The following VARS2 variants were observed in gnomAD, a reference collection of about 807,000 sequenced individuals.
The protein encoded by VARS2 is valine--tRNA ligase, mitochondrial.
A neutral mutation model predicts 154.1 loss-of-function variants in VARS2; 105 were observed. That is an observed-to-expected ratio of 0.68 (90% CI 0.58 to 0.80). The LOEUF (loss-of-function observed/expected upper bound fraction) is 0.80. VARS2 is among the 30% of genes least tolerant of loss of function. VARS2 has a pLI of 0.00. For missense variants in VARS2, 1,157 were observed against 1,361.4 expected (o/e 0.85, Z 2.36); for synonymous variants, 483 against 539.5 (o/e 0.90, Z 1.45).
Position 30,925,886 on chromosome 6 carries a change from G to A in VARS2, c.2968G>A (p.Val990Met), listed in dbSNP as rs1211254831. 1 of 1,612,816 alleles carries A rather than the reference G, an allele frequency of 6.2e-7. No homozygotes were observed. Among genetic ancestry groups the A allele is most frequent in the Non-Finnish European group, 8.5e-7 (1 of 1,180,018 alleles). The change falls in exon 29 of 30, where the codon GTG becomes ATG. Residue 990 changes from valine (V) to methionine (M), a missense_variant. Transcript: ENST00000676266. ...AQVYMELQGLVDPQIQLPLLA... is the reference protein window; with the variant it reads ...AQVYMELQGLMDPQIQLPLLA... ...TCTCCCTGTTCTTCCCCAGGGCCTG[G>A]TGGACCCGCAGATCCAGCTACCTCT... is the stretch of plus-strand genomic sequence containing the variant.
chr6:30,919,953 G>T lies in VARS2; in HGVS notation c.1165+105G>T. 1 of 1,467,448 alleles carries T rather than the reference G, an allele frequency of 6.8e-7. No individual in the cohort carries two copies. The highest frequency in any genetic ancestry group is 9.1e-7 in the Non-Finnish European group (1 of 1,095,456). The allele number at this position is 1,467,448 out of a possible 1,614,324, so 90.9% of individuals were successfully genotyped here. A position where few individuals can be genotyped will look rare whatever the true frequency, so the allele number is the denominator to read the frequency against. Reference sequence around the variant, plus strand: ...GGAGTGGGAGATCCTCATATAGGGTGGTCTGAGTGGGGAATGGGAGGGAGG... The same window carrying T: ...GGAGTGGGAGATCCTCATATAGGGTTGTCTGAGTGGGGAATGGGAGGGAGG... On this transcript the variant is annotated intron_variant, in intron 12 of 29. Transcript: ENST00000676266. The surrounding 1 kb of genome is among the most constrained non-coding windows in gnomAD (Gnocchi z 4.5).
intron 20 of VARS2, 64 bp from the exon 21 acceptor site, chr6:30,922,386 G>A: frequency 6.2e-7 from 1 of 1,607,992 alleles, no homozygotes; most frequent in Non-Finnish European, 8.5e-7. Context: ...CAAAAGTATG[G>A]AGGCCAGAGA....
rs1794816462 is a variant in VARS2 at position 30,926,008 on chromosome 6, G to A, written c.3090G>A (p.Lys1030=). 2 of 1,613,100 alleles carry A rather than the reference G, an allele frequency of 1.2e-6. No individual in the cohort carries two copies. The highest frequency in any genetic ancestry group is 2.2e-5 in the East Asian group (1 of 44,886). ...EGEAGTQRQQ[K]LSSLQLELSK... is the part of the protein sequence containing the mutation. ...AGGCAGGGACTCAGAGGCAACAAAA[G>A]GTAAGGCTGAGGGAGGCCCCCAGAA... The change falls in exon 29 of 30, where the codon AAG becomes AAA. Residue 1030 remains lysine, a splice_region_variant and synonymous_variant. Coordinates refer to ENST00000676266, the MANE Select transcript of VARS2 (RefSeq NM_020442.6).
rs779701903 is a variant in VARS2, at chr6:30,915,335, G to C, written c.284-20G>C. ...GGGAACAAGTTCAGTGGTTAGTGGA[G>C]CTCTCCTCTGCCTTCACAGATGTCT... On this transcript the variant is annotated intron_variant, in intron 3 of 29. Transcript: ENST00000676266. The C allele has an allele frequency of 6.2e-7, 1 of 1,613,776 alleles. No individual in the cohort carries two copies. Among genetic ancestry groups the C allele is most frequent in the African/African-American group, 1.3e-5 (1 of 74,926 alleles).
rs557308844 is a variant in VARS2, at chr6:30,919,995, C to T, written c.1166-94C>T. ...GGAGGGAGGCACAGACAGAGAAAGT[C>T]GCAGGGGCTGGGGCGGTGCAGGTGA... On this transcript the variant is annotated intron_variant, in intron 12 of 29. Transcript: ENST00000676266. This position sits in a 1 kb window ranked among gnomAD's most constrained non-coding sequence, Gnocchi z 4.5. 144 of 498,728 alleles carry T rather than the reference C, an allele frequency of 2.9e-4. 1 individual carries two copies. The highest frequency in any genetic ancestry group is 2.4e-3 in the Middle Eastern group (4 of 1,702). The allele number at this position is 498,728 out of a possible 1,614,324, so 30.9% of individuals were successfully genotyped here. A position where few individuals can be genotyped will look rare whatever the true frequency, so the allele number is the denominator to read the frequency against.
Position 30,920,398 on chromosome 6 carries a change from G to T in VARS2, c.1359G>T (p.Arg453=), listed in dbSNP as rs1400830469. Residue 453 remains arginine (R), a synonymous_variant, in exon 14 of 30, where the codon CGG becomes CGT. Coordinates refer to ENST00000676266, the MANE Select transcript of VARS2 (RefSeq NM_020442.6). This position sits in a 1 kb window ranked among gnomAD's most constrained non-coding sequence, Gnocchi z 4.6. ...MSVLSEWGLF[R]GLQNHPMVLP... ...TGCTGAGTGAATGGGGCCTGTTCCGGGGCCTCCAGAACCACCCCATGGTAC... is the reference window on the plus strand; with the variant it reads ...TGCTGAGTGAATGGGGCCTGTTCCGTGGCCTCCAGAACCACCCCATGGTAC... 4.3e-6 allele frequency: 7 copies of T among 1,612,906 alleles called. No individual in the cohort carries two copies. The highest frequency in any genetic ancestry group is 1.3e-5 in the African/African-American group (1 of 74,856).
rs1221715304 is a variant in VARS2, at chr6:30,917,689, C to T, written c.874-6C>T. On this transcript the variant is annotated splice_polypyrimidine_tract_variant and splice_region_variant and intron_variant, in intron 9 of 29. Coordinates refer to ENST00000676266, the MANE Select transcript of VARS2 (RefSeq NM_020442.6). This position sits in a 1 kb window ranked among gnomAD's most constrained non-coding sequence, Gnocchi z 4.4. The stretch of plus-strand genomic sequence containing the variant: ...CCCTCTGACCCAGCTTTCTCGGTGC[C>T]TCCAGGTGGAGAACCGGCCCCTGCC... 5.8e-6 allele frequency: 9 copies of T among 1,552,736 alleles called. No homozygotes were observed. Among genetic ancestry groups the T allele is most frequent in the Non-Finnish European group, 7.8e-6 (9 of 1,148,650 alleles).
chr6:30,924,775 A>T (rs1423637496), intron 26 of VARS2, among the ~76,000 whole-genome samples: 1 of 152,054 alleles, frequency 6.6e-6, no homozygotes, highest in Non-Finnish European at 1.5e-5. Context: ...CTGTTGCTAG[A>T]CTGCTATTTT....
Position 30,920,375 on chromosome 6 carries a change from C to T in VARS2, c.1336C>T (p.Leu446=). 2 of 1,613,358 alleles carry T rather than the reference C, an allele frequency of 1.2e-6. No homozygotes were observed. Among genetic ancestry groups the T allele is most frequent in the Non-Finnish European group, 1.7e-6 (2 of 1,179,694 alleles). ...GGCCCGGGAAAAGATAATGTCTGTG[C>T]TGAGTGAATGGGGCCTGTTCCGGGG... The part of the protein sequence containing the change: ...FVAREKIMSV[L]SEWGLFRGLQ... Residue 446 remains leucine, a synonymous_variant, in exon 14 of 30, where the codon CTG becomes TTG. Transcript: ENST00000676266. This position sits in a 1 kb window ranked among gnomAD's most constrained non-coding sequence, Gnocchi z 4.6.
rs183270249 is a variant in VARS2, at chr6:30,919,039, G to A, written c.1074+124G>A. On this transcript the variant is annotated intron_variant, in intron 11 of 29. Transcript: ENST00000676266. This position sits in a 1 kb window ranked among gnomAD's most constrained non-coding sequence, Gnocchi z 4.5. The stretch of plus-strand genomic sequence containing the variant: ...CCTTTTCCTGAGACTTCTCTCAGTG[G>A]TTCTGATTGGACTCCCTCCTCCTCT... 1.2e-6 allele frequency: 1 copy of A among 843,988 alleles called. No homozygotes were observed. Among genetic ancestry groups the A allele is most frequent in the East Asian group, 2.7e-5 (1 of 37,532 alleles). 52.3% of individuals were successfully genotyped at this position (843,988 alleles called of 1,614,324 possible).
chr6:30,920,143 G>A lies in VARS2; in HGVS notation c.1220G>A (p.Arg407Gln), dbSNP rs1261957759. Residue 407 changes from arginine (R) to glutamine (Q), a missense_variant, in exon 13 of 30, where the codon CGA (arginine) becomes CAA (glutamine). Physicochemically the swap from Arg to Gln is conservative, Grantham distance 43. Transcript: ENST00000676266. The surrounding 1 kb of genome is among the most constrained non-coding windows in gnomAD (Gnocchi z 4.6). ...HSPADAEMGA[R>Q]HGLSPLNVIA... ...CCTGCCGATGCTGAGATGGGGGCCC[G>A]ACATGGCTTGAGCCCCTTGAATGTC... is the stretch of plus-strand genomic sequence containing the variant. 6 of 1,591,616 alleles carry A rather than the reference G, an allele frequency of 3.8e-6. No homozygotes were observed. Among genetic ancestry groups the A allele is most frequent in the South Asian group, 2.3e-5 (2 of 87,532 alleles).
In VARS2 at chr6:30,925,862, C is replaced by T; in HGVS notation, c.2962-18C>T. The T allele has an allele frequency of 6.2e-7, 1 of 1,612,298 alleles. No individual in the cohort carries two copies. The highest frequency in any genetic ancestry group is 8.5e-7 in the Non-Finnish European group (1 of 1,180,002). ...CAGCAGGCGGATGTCTGAGCCTTTT[C>T]TCCCTGTTCTTCCCCAGGGCCTGGT... On this transcript the variant is annotated intron_variant, in intron 28 of 29. Coordinates refer to ENST00000676266, the MANE Select transcript of VARS2 (RefSeq NM_020442.6).
chr6:30,917,216 G>A lies in VARS2; in HGVS notation c.865G>A (p.Asp289Asn), dbSNP rs1389125082. 6.2e-7 allele frequency: 1 copy of A among 1,614,208 alleles called. No individual in the cohort carries two copies. Among genetic ancestry groups the A allele is most frequent in the Non-Finnish European group, 8.5e-7 (1 of 1,180,046 alleles). The change falls in exon 9 of 30, where the codon GAC becomes AAC. Residue 289 changes from aspartate (D) to asparagine (N), a missense_variant. Asp to Asn is a conservative substitution (Grantham distance 23, BLOSUM62 1). Coordinates refer to ENST00000676266, the MANE Select transcript of VARS2 (RefSeq NM_020442.6). This position sits in a 1 kb window ranked among gnomAD's most constrained non-coding sequence, Gnocchi z 4.4. ...ATGTGCTTTAAGATCAGCCATCTCG[G>A]ACATTGAGGTGAGGCGGAGAGAGGG... is the stretch of plus-strand genomic sequence containing the variant. The part of the protein sequence containing the change: ...WSCALRSAIS[D>N]IEVENRPLPG...
Position 30,923,729 on chromosome 6 carries a change from A to T in VARS2, c.2466+224A>T, listed in dbSNP as rs114985001. The T allele has an allele frequency of 6.1e-4, 369 of 604,184 alleles. 1 individual carries two copies. Among genetic ancestry groups the T allele is most frequent in the Non-Finnish European group, 8.9e-4 (318 of 358,420 alleles). The allele number at this position is 604,184 out of a possible 1,614,324, so 37.4% of individuals were successfully genotyped here. On this transcript the variant is annotated intron_variant, in intron 25 of 29. Coordinates refer to ENST00000676266, the MANE Select transcript of VARS2 (RefSeq NM_020442.6). ...TCACCTGGGGAGAGGAGGAGGAGGG[A>T]GACTTCTAGAAATGTCTGACAAGTC...
chr6:30,923,539 T>C lies in VARS2; in HGVS notation c.2466+34T>C, dbSNP rs150404246. ...GGCTGGGGGAGGCTTGGTATTCCCA[T>C]GCCTGCTTCTAATTCCTCTGGAAAT... On this transcript the variant is annotated intron_variant, in intron 25 of 29. Transcript: ENST00000676266. 7.0e-4 allele frequency: 1,116 copies of C among 1,590,518 alleles called. 1 individual carries two copies. Among genetic ancestry groups the C allele is most frequent in the Non-Finnish European group, 8.9e-4 (1,039 of 1,167,472 alleles).
intron 25 of VARS2, chr6:30,924,063 T>C: frequency 3.8e-6 from 2 of 527,374 alleles, no homozygotes; most frequent in Admixed American, 3.7e-5. Context: ...CTCAGCCTTT[T>C]AAAAACCTCT....
intron 22 of VARS2, 36 bp downstream of exon 22, chr6:30,922,810 C>G (rs1254525380): frequency 1.3e-6 from 2 of 1,590,284 alleles, no homozygotes; most frequent in Non-Finnish European, 1.7e-6. Context: ...CCAGCTCTAG[C>G]TCACCACCTC....
In VARS2 at chr6:30,920,384, TG is replaced by T. The variant is rs765625994; in HGVS notation, c.1349del (p.Gly450AlafsTer22). 7 of 1,612,154 alleles carry T rather than the reference TG, an allele frequency of 4.3e-6. No homozygotes were observed. The highest frequency in any genetic ancestry group is 3.4e-6 in the Non-Finnish European group (4 of 1,179,262). ...AAAGATAATGTCTGTGCTGAGTGAA[TG>T]GGGCCTGTTCCGGGGCCTCCAGAAC... ...REKIMSVLSEWGLFRGLQNHP... is the reference protein window; with the variant it reads ...REKIMSVLSEXGLFRGLQNHP... On this transcript the variant is annotated frameshift_variant, in exon 14 of 30. Transcript: ENST00000676266. LOFTEE classifies it high-confidence loss of function. This position sits in a 1 kb window ranked among gnomAD's most constrained non-coding sequence, Gnocchi z 4.6.
chr6:30,925,793 A>G, intron 28 of VARS2, 74 bp downstream of exon 28: 4 of 1,610,846 alleles, frequency 2.5e-6, no homozygotes, highest in Non-Finnish European at 3.4e-6. Flanking sequence ...GCTGGGCTCT[A>G]TAAAGTAGGG....
Sources: gnomAD v4.1 joint callset for allele counts (sites outside exome capture counted in the v4.1 genomes callset) on GRCh38, gnomAD v4.1.1 for gene constraint, Gnocchi (gnomAD v3.1) non-coding constraint, MANE v1.5 for transcripts, NCBI Gene and HGNC (gene_info 2026-07-23, HGNC 2026-07-21) for gene names.